The following COQ2 variants were observed in gnomAD, a reference collection of about 807,000 sequenced individuals.
COQ2 encodes the protein coenzyme Q2, polyprenyltransferase, also known as 4-hydroxybenzoate polyprenyltransferase, mitochondrial.
COQ2 carries 25 observed loss-of-function variants against 35.7 expected under a neutral mutation model. The ratio of observed to expected loss-of-function variants is 0.70; its 90% confidence interval spans 0.51 to 0.98. The LOEUF (loss-of-function observed/expected upper bound fraction) is 0.98. Ranked by LOEUF, COQ2 falls within the 50% of genes least tolerant of loss-of-function variation. The pLI, the probability that COQ2 is intolerant of heterozygous loss-of-function variation, is 0.00. For synonymous variants in COQ2, 206 were observed against 186.2 expected, an observed-to-expected ratio of 1.11 and a Z score of -0.86; for missense variants, 488 against 473.5, an observed-to-expected ratio of 1.03 and a Z score of -0.28.
intron 1 of COQ2, chr4:83,283,659 G>C: frequency 1.0e-6 from 1 of 985,432 alleles, no homozygotes; most frequent in Non-Finnish European, 1.2e-6. Flanking sequence ...CTAGACCAGA[G>C]TTCCTTGAAA....
intron 2 of COQ2, among the ~76,000 whole-genome samples, chr4:83,275,384 A>G (rs1735141885): frequency 6.6e-6 from 1 of 151,024 alleles, no homozygotes; most frequent in Admixed American, 6.6e-5. Flanking sequence ...CACGTTCCCA[A>G]CCTGGTTTCC....
In COQ2 at chr4:83,275,613, AG is replaced by A. The variant is rs113540854; in HGVS notation, c.421-1997del. ...TATGTTTGTTTTATGTATAATCTCCAGGTGTTTTAGACATACTTAGTGGAAA... is the reference window on the plus strand; with the variant it reads ...TATGTTTGTTTTATGTATAATCTCCAGTGTTTTAGACATACTTAGTGGAAA... On this transcript the variant is annotated intron_variant, in intron 2 of 6. Coordinates refer to ENST00000647002, the MANE Select transcript of COQ2 (RefSeq NM_001358921.2). Among the ~76,000 whole-genome samples the A allele has an allele frequency of 5.1e-3, 770 of 152,170 alleles. 7 individuals are homozygous for A. Among genetic ancestry groups the A allele is most frequent in the African/African-American group, 0.016 (678 of 41,502 alleles).
chr4:83,273,980 CAAAAAAAAA>C (rs967781699), intron 2 of COQ2, among the ~76,000 whole-genome samples: 4 of 29,056 alleles, frequency 1.4e-4, no homozygotes, highest in East Asian at 2.5e-3. Context: ...GCTGTCTCTA[CAAAAAAAAA>C]AAAAAAAAAA....
intron 1 of COQ2, chr4:83,281,633 A>G (rs759403085): frequency 2.0e-5 from 3 of 152,234 alleles, no homozygotes. Context: ...AGAGATGACA[A>G]TATTAATGAT....
chr4:83,282,594 A>G, intron 1 of COQ2: 3 of 908,290 alleles, frequency 3.3e-6, no homozygotes, highest in Non-Finnish European at 3.9e-6. Flanking sequence ...TGTAAGTACA[A>G]TTTTCTCCAT....
chr4:83,280,498 G>A (rs570437505), intron 1 of COQ2, among the ~76,000 whole-genome samples: 1 of 152,286 alleles, frequency 6.6e-6, no homozygotes, highest in South Asian at 2.1e-4. Flanking sequence ...CCAGAACTAT[G>A]CTAAGAACTG....
At chr4:83,279,885 G>T in intron 1 of COQ2, among the ~76,000 whole-genome samples, 1 of 117,982 alleles carries the variant, frequency 8.5e-6, no homozygotes, top group Non-Finnish European at 1.7e-5. Flanking sequence ...TTTTGAGACA[G>T]CATCTCACTC....
At chr4:83,283,537 G>A (rs1305841623) in intron 1 of COQ2, 1 of 985,230 alleles carries the variant, frequency 1.0e-6, no homozygotes, top group Non-Finnish European at 1.2e-6. Flanking sequence ...ATTTCTTCTC[G>A]AAACTTTCCA....
At chr4:83,283,311 C>G (rs1239700439) in intron 1 of COQ2, 6 of 985,432 alleles carry the variant, frequency 6.1e-6, no homozygotes, top group Non-Finnish European at 7.2e-6. Flanking sequence ...TCTAGATTGG[C>G]TGGAGTTCAT....
At chr4:83,284,297 C>T (rs1577993415) in intron 1 of COQ2, 1 of 985,260 alleles carries the variant, frequency 1.0e-6, no homozygotes, top group Non-Finnish European at 1.2e-6. Flanking sequence ...CCCCAGGGCG[C>T]ACGGCAGCCG....
At chr4:83,264,604 C>T (rs773194069) in intron 6 of COQ2, among the ~76,000 whole-genome samples, 7 of 151,784 alleles carry the variant, frequency 4.6e-5, no homozygotes, top group Non-Finnish European at 8.8e-5. Context: ...CCTACTGCAC[C>T]CTCCTAGCCT....
intron 6 of COQ2, chr4:83,267,028 C>A: frequency 2.8e-6 from 1 of 359,984 alleles, no homozygotes; most frequent in Non-Finnish European, 5.4e-6. Flanking sequence ...AGAAGTAATT[C>A]CAGGAAAATC....
Position 83,279,140 on chromosome 4 carries a change from AG to A in COQ2, c.254-27del, listed in dbSNP as rs1292737590. On this transcript the variant is annotated intron_variant, in intron 1 of 6. Transcript: ENST00000647002. Reference sequence around the variant, plus strand: ...CTAAGCAAAAATAAAAAGACAAAAAAGGTACAAATTTAAGTCAGTTAACTGT... The same window carrying A: ...CTAAGCAAAAATAAAAAGACAAAAAAGTACAAATTTAAGTCAGTTAACTGT... 3 of 1,521,942 alleles carry A rather than the reference AG, an allele frequency of 2.0e-6. No homozygotes were observed. In the Admixed American group the frequency reaches 7.2e-5, roughly 37 times the overall value. 94.3% of individuals were successfully genotyped at this position (1,521,942 alleles called of 1,614,324 possible).
At chr4:83,271,844 G>A (rs1433641183) in intron 4 of COQ2, among the ~76,000 whole-genome samples, 1 of 152,026 alleles carries the variant, frequency 6.6e-6, no homozygotes, top group Non-Finnish European at 1.5e-5. Context: ...TGTAGGGGAG[G>A]GGAGCAGTGG....
intron 2 of COQ2, among the ~76,000 whole-genome samples, chr4:83,278,550 G>A (rs115167780): frequency 0.019 from 2,823 of 152,318 alleles, 42 homozygotes; most frequent in Admixed American, 0.041. Context: ...AACAAGTGCT[G>A]CCTTGATTCA....
chr4:83,269,790 T>C (rs1180856239), intron 5 of COQ2, 70 bp downstream of exon 5: 2 of 1,257,392 alleles, frequency 1.6e-6, no homozygotes, highest in African/African-American at 3.2e-5. Context: ...AAAAAAATGC[T>C]TTCTCCTTAA....
intron 1 of COQ2, chr4:83,283,693 C>A (rs62303673): frequency 0.26 from 255,045 of 984,970 alleles, 33,478 homozygotes; most frequent in Middle Eastern, 0.3. Context: ...ATAGCTTTTT[C>A]TATCTCTATG....
intron 1 of COQ2, chr4:83,282,496 T>C (rs1735348316): frequency 3.9e-6 from 1 of 255,460 alleles, no homozygotes; most frequent in Non-Finnish European, 6.2e-6. Flanking sequence ...TCTAACATAG[T>C]ACTATTTAGT....
intron 5 of COQ2, among the ~76,000 whole-genome samples, chr4:83,268,480 T>C (rs1052569733): frequency 6.6e-6 from 1 of 152,256 alleles, no homozygotes; most frequent in Non-Finnish European, 1.5e-5. Flanking sequence ...GACAGCAACC[T>C]GACAGGCTCT....
Sources: allele counts gnomAD v4.1 joint callset (sites outside exome capture counted in the v4.1 genomes callset), GRCh38; gene constraint gnomAD v4.1.1; transcripts MANE v1.5; gene names NCBI Gene and HGNC (gene_info 2026-07-23, HGNC 2026-07-21).